TCHH: variants seen among roughly 807,000 people sequenced by gnomAD.
The protein encoded by TCHH is trichohyalin.
A neutral mutation model predicts 6.3 loss-of-function variants in TCHH; 6 were observed. The ratio of observed to expected loss-of-function variants is 0.95; its 90% CI spans 0.52 to 1.88. The LOEUF is 1.88. Ranked by LOEUF, TCHH falls within the 40% of genes most tolerant of loss-of-function variation. The pLI is 0.01. For synonymous variants in TCHH, 1,087 were observed against 963.6 expected (o/e 1.13, Z -2.37); for missense variants, 2,920 against 2,449.1 (o/e 1.19, Z -4.06).
At position 152,111,825 on chromosome 1, in the gene TCHH, C is replaced by G. The variant is rs769232673; in HGVS notation, c.1392G>C (p.Thr464=). The G allele has an allele frequency of 1.2e-6, 2 of 1,600,846 alleles. No individual in the cohort carries two copies. Among genetic ancestry groups the G allele is most frequent in the Non-Finnish European group, 1.7e-6 (2 of 1,176,160 alleles). The change falls in exon 3 of 3, where the codon ACG becomes ACC. Residue 464 remains threonine, a synonymous_variant. Transcript: ENST00000614923. ...RRDWLKREEE[T]ERHEQERRKQ... ...TGCGCCTCTCCTGCTCGTGCCTCTC[C>G]GTCTCCTCCTCGCGCTTCAGCCAAT...
Position 152,109,113 on chromosome 1 carries a change from G to C in TCHH, c.4104C>G (p.Arg1368=). The change falls in exon 3 of 3, where the codon CGC becomes CGG. Residue 1368 remains arginine, a synonymous_variant. Transcript: ENST00000614923. The part of the protein sequence containing the change: ...RDRKFREEEL[R]HQEQGRKFLE... ...GGAATTTTCTCCCTTGTTCCTGATGGCGCAGTTCCTCTTCGCGGAATTTTC... is the reference window on the plus strand; with the variant it reads ...GGAATTTTCTCCCTTGTTCCTGATGCCGCAGTTCCTCTTCGCGGAATTTTC... 1.9e-6 allele frequency: 3 copies of C among 1,608,962 alleles called. No homozygotes were observed. The highest frequency in any genetic ancestry group is 1.7e-6 in the Non-Finnish European group (2 of 1,178,734).
intron 2 of TCHH, 77 bp downstream of exon 2, chr1:152,113,866 T>G: frequency 6.5e-7 from 1 of 1,532,898 alleles, no homozygotes; most frequent in Non-Finnish European, 8.8e-7. Flanking sequence ...AAAACCACCA[T>G]TCCTTGCTCT....
rs781178249 is a variant in TCHH at position 152,110,014 on chromosome 1, C to A, written c.3203G>T (p.Arg1068Leu). ...QEEEQLLGEE[R>L]ETRRRQELER... The stretch of plus-strand genomic sequence containing the variant: ...CAGCTCCTGGCGCCTTCTCGTCTCC[C>A]GTTCCTCTCCCAGCAGCTGCTCTTC... Residue 1068 changes from arginine to leucine, a missense_variant, in exon 3 of 3, where the codon CGG becomes CTG. Transcript: ENST00000614923. 6.0e-6 allele frequency: 9 copies of A among 1,500,628 alleles called. No homozygotes were observed. Among genetic ancestry groups the A allele is most frequent in the Non-Finnish European group, 8.0e-6 (9 of 1,120,350 alleles). 93.0% of individuals were successfully genotyped at this position (1,500,628 alleles called of 1,614,324 possible). A position where few individuals can be genotyped will look rare whatever the true frequency, so the allele number is the denominator to read the frequency against.
In TCHH at chr1:152,110,731, T is replaced by TTC. The variant is rs747328896; in HGVS notation, c.2484_2485dup (p.Lys829ArgfsTer51). ...CTCTTCCTCCAGGAACTGCAGCTCT[T>TTC]TCTCCCTCTCGCGTCGCTGGCGGCG... On this transcript the variant is annotated frameshift_variant, in exon 3 of 3. Transcript: ENST00000614923. LOFTEE classifies it low-confidence loss of function (END_TRUNC). The TTC allele has an allele frequency of 1.2e-6, 2 of 1,610,588 alleles. No homozygotes were observed. Among genetic ancestry groups the TTC allele is most frequent in the South Asian group, 2.2e-5 (2 of 91,082 alleles).
rs750011545 is a variant in TCHH at position 152,110,280 on chromosome 1, C to T, written c.2937G>A (p.Glu979=). The T allele has an allele frequency of 1.2e-6, 2 of 1,611,806 alleles. No homozygotes were observed. The highest frequency in any genetic ancestry group is 1.7e-6 in the Non-Finnish European group (2 of 1,178,972). Residue 979 remains glutamate, a synonymous_variant, in exon 3 of 3, where the codon GAG becomes GAA. Coordinates refer to ENST00000614923, the MANE Select transcript of TCHH (RefSeq NM_007113.4). Reference sequence around the variant, plus strand: ...TCTCCCGCTCCTGGCGCCTTCTCTTCTCCGGTTCCTCTCCCAGCAGCTGCT... The same window carrying T: ...TCTCCCGCTCCTGGCGCCTTCTCTTTTCCGGTTCCTCTCCCAGCAGCTGCT... The part of the protein sequence containing the change: ...KEEQLLGEEP[E]KRRRQEREKK...
rs550099589 is a variant in TCHH at position 152,111,023 on chromosome 1, G to T, written c.2194C>A (p.Arg732Ser). ...RPRKQEGQRR[R>S]QEQEEKRRRR... is the part of the protein sequence containing the mutation. Reference sequence around the variant, plus strand: ...CGCCTCTTTTCCTCCTGCTCTTGGCGGCGCCTCTGCCCTTCCTGCTTGCGG... The same window carrying T: ...CGCCTCTTTTCCTCCTGCTCTTGGCTGCGCCTCTGCCCTTCCTGCTTGCGG... Residue 732 changes from arginine to serine, a missense_variant, in exon 3 of 3, where the codon CGC becomes AGC. Coordinates refer to ENST00000614923, the MANE Select transcript of TCHH (RefSeq NM_007113.4). 4.3e-6 allele frequency: 7 copies of T among 1,613,446 alleles called. No homozygotes were observed. In the East Asian group the frequency reaches 1.3e-4, roughly 31 times the overall value.
chr1:152,110,830 CTCTCCCGCT>C lies in TCHH; in HGVS notation c.2378_2386del (p.Gln793_Glu795del), dbSNP rs1423325230. On this transcript the variant is annotated inframe_deletion, in exon 3 of 3. Coordinates refer to ENST00000614923, the MANE Select transcript of TCHH (RefSeq NM_007113.4). ...CTGGCGCTCCTCGGCCCTCAGCTGCCTCTCCCGCTGCTCCCGCAATGGGGGCCTGGCCGA... is the reference window on the plus strand; with the variant it reads ...CTGGCGCTCCTCGGCCCTCAGCTGCCGCTCCCGCAATGGGGGCCTGGCCGA... 6.2e-7 allele frequency: 1 copy of C among 1,609,274 alleles called. No homozygotes were observed. The highest frequency in any genetic ancestry group is 8.5e-7 in the Non-Finnish European group (1 of 1,179,734).
rs1356555894 is a variant in TCHH at position 152,114,057 on chromosome 1, G to C, written c.24C>G (p.Ile8Met). MSPLLRS[I>M]CDITEIFNQY... ...GATTGAAAATTTCAGTGATGTCACA[G>C]ATGCTTCTCAGAAGTGGAGACATTT... Residue 8 changes from isoleucine to methionine, a missense_variant, in exon 2 of 3, where the codon ATC becomes ATG. Physicochemically the swap from Ile to Met is conservative, Grantham distance 10. Transcript: ENST00000614923. 3.7e-6 allele frequency: 6 copies of C among 1,612,738 alleles called. No homozygotes were observed. Among genetic ancestry groups the C allele is most frequent in the Non-Finnish European group, 5.1e-6 (6 of 1,179,676 alleles).
rs201847675 is a variant in TCHH at position 152,108,496 on chromosome 1, C to A, written c.4721G>T (p.Arg1574Leu). The A allele has an allele frequency of 5.6e-6, 9 of 1,612,402 alleles. No individual in the cohort carries two copies. The highest frequency in any genetic ancestry group is 1.7e-5 in the Admixed American group (1 of 59,898). ...ACGGAATTTTCTGTCACGCTCTTGG[C>A]GGCTCAGCTGCTGTTCCTCCCTCTC... ...RQEREEQQLSRQERDRKFRLE... is the reference protein window; with the variant it reads ...RQEREEQQLSLQERDRKFRLE... The change falls in exon 3 of 3, where the codon CGC becomes CTC. Residue 1574 changes from arginine (R) to leucine (L), a missense_variant. Coordinates refer to ENST00000614923, the MANE Select transcript of TCHH (RefSeq NM_007113.4).
chr1:152,109,247 CCTCT>C lies in TCHH; in HGVS notation c.3966_3969del (p.Glu1323LysfsTer100). ...TGACGGCGTCTCTTCTCTTCTCTTT[CCTCT>C]CTCAGCAACTGCTTTTCCTCTTGGG... On this transcript the variant is annotated frameshift_variant, in exon 3 of 3. Coordinates refer to ENST00000614923, the MANE Select transcript of TCHH (RefSeq NM_007113.4). LOFTEE classifies it low-confidence loss of function (END_TRUNC). 5.6e-6 allele frequency: 9 copies of C among 1,614,234 alleles called. No individual in the cohort carries two copies. The highest frequency in any genetic ancestry group is 7.6e-6 in the Non-Finnish European group (9 of 1,180,022).
chr1:152,110,585 G>C lies in TCHH; in HGVS notation c.2632C>G (p.Leu878Val). The change falls in exon 3 of 3, where the codon CTA becomes GTA. Residue 878 changes from leucine (L) to valine (V), a missense_variant. Leu to Val is a conservative substitution (Grantham distance 32, BLOSUM62 1). Coordinates refer to ENST00000614923, the MANE Select transcript of TCHH (RefSeq NM_007113.4). ...QRRDQKWRWQ[L>V]EEERKRRRHT... ...CGGCGTCTCTTCCTTTCTTCTTCTA[G>C]TTGCCACCTCCATTTTTGGTCGCGG... The C allele has an allele frequency of 2.5e-6, 4 of 1,614,136 alleles. No homozygotes were observed. The highest frequency in any genetic ancestry group is 3.4e-6 in the Non-Finnish European group (4 of 1,180,018).
chr1:152,114,307 G>A (rs1658459799), intron 1 of TCHH, among the ~76,000 whole-genome samples, 196 bp from the exon 2 acceptor site: 1 of 152,168 alleles, frequency 6.6e-6, no homozygotes, highest in South Asian at 2.1e-4. Context: ...CCAAGCCAGG[G>A]AATCATCTTC....
chr1:152,113,899 CAT>C (rs1467719611), intron 2 of TCHH, 42 bp downstream of exon 2: 4 of 1,594,998 alleles, frequency 2.5e-6, no homozygotes, highest in South Asian at 1.1e-5. Context: ...GAATAAATCT[CAT>C]AGCCTCAAGT....
rs775437162 is a variant in TCHH, at chr1:152,109,935, C to G, written c.3282G>C (p.Leu1094=). ...EELQQEEEQL[L]REEPEKRRRQ... Reference sequence around the variant, plus strand: ...GCCTTCTCTTCTCCGGTTCCTCTCTCAGCAGCTGCTCTTCCTCCTGCTGCA... The same window carrying G: ...GCCTTCTCTTCTCCGGTTCCTCTCTGAGCAGCTGCTCTTCCTCCTGCTGCA... The change falls in exon 3 of 3, where the codon CTG becomes CTC. Residue 1094 remains leucine (L), a synonymous_variant. Transcript: ENST00000614923. The G allele has an allele frequency of 1.9e-6, 3 of 1,592,088 alleles. No homozygotes were observed. The highest frequency in any genetic ancestry group is 1.4e-5 in the African/African-American group (1 of 73,246).
In TCHH at chr1:152,110,149, TTTTTG is replaced by T; in HGVS notation, c.3063_3067del (p.Lys1022ArgfsTer194). The T allele has an allele frequency of 6.2e-7, 1 of 1,607,422 alleles. No individual in the cohort carries two copies. Among genetic ancestry groups the T allele is most frequent in the Admixed American group, 1.7e-5 (1 of 59,420 alleles). ...CTCTTCTTCCTGCTGCAGCTCGTCT[TTTTTG>T]CGGTACTGCCTCTCCCACTCCTGGC... On this transcript the variant is annotated frameshift_variant, in exon 3 of 3. Transcript: ENST00000614923. LOFTEE classifies it low-confidence loss of function (END_TRUNC).
At chr1:152,113,530 G>A (rs1658440912) in intron 2 of TCHH, among the ~76,000 whole-genome samples, 1 of 152,216 alleles carries the variant, frequency 6.6e-6, no homozygotes, top group African/African-American at 2.4e-5. Flanking sequence ...ATTTGCAGTA[G>A]CCATTTCTGT....
Position 152,108,235 on chromosome 1 carries a change from A to G in TCHH, c.4982T>C (p.Leu1661Pro). The G allele has an allele frequency of 1.9e-6, 3 of 1,606,558 alleles. No individual in the cohort carries two copies. Among genetic ancestry groups the G allele is most frequent in the Non-Finnish European group, 2.5e-6 (3 of 1,178,012 alleles). ...QLRRQEREQQ[L>P]RHDRDRKFRE... ...GAATTTTCTGTCGCGGTCGTGACGC[A>G]GCTGTTGTTCGCGCTCCTGGCGGCG... Residue 1661 changes from leucine to proline, a missense_variant, in exon 3 of 3, where the codon CTG becomes CCG. Coordinates refer to ENST00000614923, the MANE Select transcript of TCHH (RefSeq NM_007113.4).
rs866679311 is a variant in TCHH at position 152,108,675 on chromosome 1, C to G, written c.4542G>C (p.Glu1514Asp). 1.4e-5 allele frequency: 22 copies of G among 1,608,892 alleles called. No individual in the cohort carries two copies. Among genetic ancestry groups the G allele is most frequent in the Middle Eastern group, 1.7e-4 (1 of 6,050 alleles). ...REQELRSQEP[E>D]RKFLEEEQQL... ...GCTGTTCCTCCTCGAGGAATTTTCTCTCTGGTTCCTGACTGCGCAGTTCCT... is the reference window on the plus strand; with the variant it reads ...GCTGTTCCTCCTCGAGGAATTTTCTGTCTGGTTCCTGACTGCGCAGTTCCT... Residue 1514 changes from glutamate to aspartate, a missense_variant, in exon 3 of 3, where the codon GAG (glutamate) becomes GAC (aspartate). Transcript: ENST00000614923.
At position 152,108,341 on chromosome 1, in the gene TCHH, G is replaced by T. The variant is rs761404839; in HGVS notation, c.4876C>A (p.Gln1626Lys). 1 of 1,608,074 alleles carries T rather than the reference G, an allele frequency of 6.2e-7. No homozygotes were observed. The highest frequency in any genetic ancestry group is 8.5e-7 in the Non-Finnish European group (1 of 1,178,278). Residue 1626 changes from glutamine (Q) to lysine (K), a missense_variant, in exon 3 of 3, where the codon CAG (glutamine) becomes AAG (lysine). Coordinates refer to ENST00000614923, the MANE Select transcript of TCHH (RefSeq NM_007113.4). Reference sequence around the variant, plus strand: ...TGTTCTTCCCTTTCCTGGAGCAGCTGTTCGTCTTCGCGGAATTTTCTGTCG... The same window carrying T: ...TGTTCTTCCCTTTCCTGGAGCAGCTTTTCGTCTTCGCGGAATTTTCTGTCG... ...ERDRKFREDE[Q>K]LLQEREEQQL...
Sources: gnomAD v4.1 joint callset for allele counts (sites outside exome capture counted in the v4.1 genomes callset) on GRCh38, gnomAD v4.1.1 for gene constraint, MANE v1.5 for transcripts, NCBI Gene and HGNC (gene_info 2026-07-23, HGNC 2026-07-21) for gene names.